Variants in GLDC observed in about 807,000 individuals in gnomAD.
GLDC encodes the protein glycine dehydrogenase (decarboxylating), mitochondrial.
In GLDC, 104 loss-of-function variants were observed where a neutral mutation model predicts 121.3. That is an observed-to-expected ratio of 0.86 (90% CI 0.73 to 1.01). The LOEUF (loss-of-function observed/expected upper bound fraction) is 1.01. GLDC is among the 50% of genes least tolerant of loss of function. The probability of loss-of-function intolerance (pLI) is 0.00; values close to 1 mark genes in which losing one functional copy is unlikely to be tolerated. For missense variants in GLDC, 1,429 were observed against 1,306.6 expected (o/e 1.09, Z -1.44); for synonymous variants, 546 against 480.6 (o/e 1.14, Z -1.78).
At chr9:6,554,802 A>G (rs765951835) in intron 18 of GLDC, 21 bp from the exon 19 acceptor site, 1 of 1,582,390 alleles carries the variant, frequency 6.3e-7, no homozygotes, top group African/African-American at 1.3e-5. Context: ...GGCAAGGGCC[A>G]AAAGCAAAAG....
chr9:6,561,156 G>C (rs1318711082), intron 16 of GLDC, among the ~76,000 whole-genome samples: 1 of 152,156 alleles, frequency 6.6e-6, no homozygotes, highest in African/African-American at 2.4e-5. Flanking sequence ...GTTGTTTTAA[G>C]CCACTAAGCC....
intron 23 of GLDC, among the ~76,000 whole-genome samples, chr9:6,535,436 C>T (rs1817105759): frequency 6.6e-6 from 1 of 151,572 alleles, no homozygotes; most frequent in African/African-American, 2.4e-5. Context: ...CCCTCTCCTA[C>T]AGGTAGGCAG....
intron 15 of GLDC, among the ~76,000 whole-genome samples, chr9:6,578,503 G>C (rs771711073): frequency 6.6e-6 from 1 of 151,898 alleles, no homozygotes; most frequent in East Asian, 1.9e-4. Flanking sequence ...TTTGATATGC[G>C]GTATCTTCAT....
At chr9:6,552,800 A>G in intron 20 of GLDC, among the ~76,000 whole-genome samples, 1 of 152,190 alleles carries the variant, frequency 6.6e-6, no homozygotes, top group East Asian at 1.9e-4. Flanking sequence ...ATTTGGAATA[A>G]GACAAAGGAA....
intron 9 of GLDC, among the ~76,000 whole-genome samples, chr9:6,594,378 G>A (rs1818445727): frequency 6.6e-6 from 1 of 151,986 alleles, no homozygotes; most frequent in Admixed American, 6.6e-5. Context: ...CAGCTTGCCA[G>A]GAGTAAAAGA....
intron 3 of GLDC, 33 bp downstream of exon 3, chr9:6,620,151 G>C (rs773837714): frequency 5.6e-6 from 9 of 1,605,284 alleles, no homozygotes; most frequent in Non-Finnish European, 6.8e-6. Context: ...GCAAATCACA[G>C]TCATCCTGTT....
chr9:6,637,561 G>A (rs544810912), intron 2 of GLDC, among the ~76,000 whole-genome samples: 6 of 152,178 alleles, frequency 3.9e-5, no homozygotes, highest in Non-Finnish European at 7.4e-5. Flanking sequence ...CCACCTCCCA[G>A]GTTCAAGCTA....
chr9:6,611,331 G>A (rs1007562328), intron 3 of GLDC, among the ~76,000 whole-genome samples: 1 of 152,200 alleles, frequency 6.6e-6, no homozygotes, highest in Non-Finnish European at 1.5e-5. Flanking sequence ...GTCAAGGCGG[G>A]CGGATCACGA....
At chr9:6,616,783 T>C (rs548491698) in intron 3 of GLDC, among the ~76,000 whole-genome samples, 1 of 152,338 alleles carries the variant, frequency 6.6e-6, no homozygotes, top group Non-Finnish European at 1.5e-5. Context: ...ATATTCAACA[T>C]GGCATTAATA....
intron 2 of GLDC, among the ~76,000 whole-genome samples, chr9:6,643,494 A>G (rs926871040): frequency 1.3e-5 from 2 of 150,548 alleles, no homozygotes; most frequent in African/African-American, 2.4e-5. Context: ...AGAAAAAGAG[A>G]TAAGTATCTC....
chr9:6,605,104 G>A, intron 6 of GLDC, 27 bp downstream of exon 6: 1 of 1,605,292 alleles, frequency 6.2e-7, no homozygotes, highest in Non-Finnish European at 8.5e-7. Flanking sequence ...CGCCTCCACG[G>A]ACCCCCCACA....
rs749941145 is a variant in GLDC at position 6,532,782 on chromosome 9, A to C, written c.*235T>G. ...CTACGCAAAACACAAAATGGCTCCC[A>C]ATCCAGGCAACTGGCACATGTGGAA... is the stretch of plus-strand genomic sequence containing the variant. On this transcript the variant is annotated 3_prime_UTR_variant, in exon 25 of 25. Coordinates refer to ENST00000321612, the MANE Select transcript of GLDC (RefSeq NM_000170.3). 209 of 528,168 alleles carry C rather than the reference A, an allele frequency of 4.0e-4. No homozygotes were observed. Among genetic ancestry groups the C allele is most frequent in the Non-Finnish European group, 2.5e-4 (74 of 292,658 alleles). 32.7% of individuals were successfully genotyped at this position (528,168 alleles called of 1,614,324 possible).
chr9:6,606,255 G>T lies in GLDC; in HGVS notation c.713+337C>A, dbSNP rs1818729489. 20 of 327,496 alleles carry T rather than the reference G, an allele frequency of 6.1e-5. 2 individuals are homozygous for T. The highest frequency in any genetic ancestry group is 5.4e-4 in the South Asian group (20 of 37,162). The allele number at this position is 327,496 out of a possible 1,614,324, so 20.3% of individuals were successfully genotyped here. A position where few individuals can be genotyped will look rare whatever the true frequency, so the allele number is the denominator to read the frequency against. ...ACTTGGGAGGCGGAGCTTGCAGTGA[G>T]CCTAGGTTCCCTCAACTGCACTCCA... On this transcript the variant is annotated intron_variant, in intron 5 of 24. Coordinates refer to ENST00000321612, the MANE Select transcript of GLDC (RefSeq NM_000170.3).
intron 15 of GLDC, among the ~76,000 whole-genome samples, chr9:6,572,008 C>CT (rs1422976158): frequency 6.6e-6 from 1 of 152,186 alleles, no homozygotes; most frequent in Non-Finnish European, 1.5e-5. Context: ...TAGGCACAAT[C>CT]TAAGTCTCAC....
At chr9:6,589,857 C>T (rs1182142797) in intron 11 of GLDC, among the ~76,000 whole-genome samples, 1 of 152,174 alleles carries the variant, frequency 6.6e-6, no homozygotes, top group African/African-American at 2.4e-5. Flanking sequence ...GAGATCGAGG[C>T]CATCCTGGCT....
In GLDC at chr9:6,566,110, G is replaced by C. The variant is rs188353525; in HGVS notation, c.1851-681C>G. Among the ~76,000 whole-genome samples, 663 of 152,288 alleles carry C rather than the reference G, an allele frequency of 4.4e-3. 5 individuals are homozygous for C. The highest frequency in any genetic ancestry group is 6.1e-3 in the Non-Finnish European group (417 of 68,030). ...TACAAAAAATTAGCCTGGTGTGATA[G>C]CATGCATCTGTAGTACCAGCTACTG... On this transcript the variant is annotated intron_variant, in intron 15 of 24. Coordinates refer to ENST00000321612, the MANE Select transcript of GLDC (RefSeq NM_000170.3).
intron 15 of GLDC, 30 bp downstream of exon 15, chr9:6,587,111 C>G: frequency 6.3e-7 from 1 of 1,594,512 alleles, no homozygotes; most frequent in Non-Finnish European, 8.6e-7. Context: ...GAATAGATTG[C>G]TGAAACAATA....
intron 21 of GLDC, 40 bp downstream of exon 21, chr9:6,550,762 GA>G: frequency 7.2e-7 from 1 of 1,394,140 alleles, no homozygotes; most frequent in Non-Finnish European, 1.0e-6. Flanking sequence ...GTTTGGCCAA[GA>G]AAAAAACCAA....
Position 6,598,203 on chromosome 9 carries a change from C to CT in GLDC, c.1156-3085dup, listed in dbSNP as rs144626062. Among the ~76,000 whole-genome samples, 279 of 151,996 alleles carry CT rather than the reference C, an allele frequency of 1.8e-3. 1 individual carries two copies. The highest frequency in any genetic ancestry group is 6.3e-3 in the African/African-American group (262 of 41,438). On this transcript the variant is annotated intron_variant, in intron 8 of 24. Transcript: ENST00000321612. ...CCACAACACCTGGCTAATTTTTGTA[C>CT]TTTTTTTATATAGACAGGAGTCTCA...
Sources: gnomAD v4.1 joint callset for allele counts (sites outside exome capture counted in the v4.1 genomes callset) on GRCh38, gnomAD v4.1.1 for gene constraint, MANE v1.5 for transcripts, NCBI Gene and HGNC (gene_info 2026-07-23, HGNC 2026-07-21) for gene names.